The following FAM114A2 variants were observed in gnomAD, a reference collection of about 807,000 sequenced individuals.
The protein encoded by FAM114A2 is family with sequence similarity 114 member A2.
FAM114A2 carries 53 observed loss-of-function variants against 58.4 expected under a neutral mutation model. The ratio of observed to expected loss-of-function variants is 0.91; its 90% confidence interval spans 0.73 to 1.14. The LOEUF is 1.14. Ranked by LOEUF, FAM114A2 falls within the 50% of genes most tolerant of loss-of-function variation. The pLI is 0.00. For synonymous variants in FAM114A2, 228 were observed against 211.4 expected (o/e 1.08, Z -0.68); for missense variants, 601 against 581.1 (o/e 1.03, Z -0.35).
At position 153,991,308 on chromosome 5, in the gene FAM114A2, T is replaced by C. The variant is rs758495817; in HGVS notation, c.*1668A>G. 6.6e-6 allele frequency: 1 copy of C among 152,220 alleles called. No homozygotes were observed. Among genetic ancestry groups the C allele is most frequent in the Admixed American group, 6.5e-5 (1 of 15,280 alleles). 9.4% of individuals were successfully genotyped at this position (152,220 alleles called of 1,614,324 possible). A position where few individuals can be genotyped will look rare whatever the true frequency, so the allele number is the denominator to read the frequency against. On this transcript the variant is annotated 3_prime_UTR_variant, in exon 14 of 14. Coordinates refer to ENST00000351797, the MANE Select transcript of FAM114A2 (RefSeq NM_018691.4). Reference sequence around the variant, plus strand: ...ATTTAAAGCTGCCAAACTGCCATTGTACAAGAGGCTGAACAGACAGTAGGC... The same window carrying C: ...ATTTAAAGCTGCCAAACTGCCATTGCACAAGAGGCTGAACAGACAGTAGGC...
intron 2 of FAM114A2, 48 bp downstream of exon 2, chr5:154,034,696 A>C: frequency 7.4e-7 from 1 of 1,348,034 alleles, no homozygotes; most frequent in Non-Finnish European, 1.1e-6. Context: ...ACATTTTTTA[A>C]TCCTAATATT....
In FAM114A2 at chr5:153,994,849, G is replaced by A. The variant is rs1769452366; in HGVS notation, c.1383+70C>T. On this transcript the variant is annotated intron_variant, in intron 13 of 13. Coordinates refer to ENST00000351797, the MANE Select transcript of FAM114A2 (RefSeq NM_018691.4). ...GGTGAATAAAATAAAAAAGCCAAAA[G>A]CAAAAGGCTTCAGAAGAGTTAATTA... is the stretch of plus-strand genomic sequence containing the variant. 3 of 1,013,346 alleles carry A rather than the reference G, an allele frequency of 3.0e-6. No individual in the cohort carries two copies. The African/African-American group carries it at 4.8e-5, about 16-fold the overall frequency. The allele number at this position is 1,013,346 out of a possible 1,614,324, so 62.8% of individuals were successfully genotyped here. A position where few individuals can be genotyped will look rare whatever the true frequency, so the allele number is the denominator to read the frequency against.
At chr5:154,022,613 G>A (rs1454999574) in intron 8 of FAM114A2, among the ~76,000 whole-genome samples, 10 of 152,224 alleles carry the variant, frequency 6.6e-5, no homozygotes, top group African/African-American at 9.6e-5. Flanking sequence ...TTAGAATGGC[G>A]ATCATTAAAA....
rs528038879 is a variant in FAM114A2 at position 154,033,650 on chromosome 5, C to A, written c.403+141G>T. 799 of 580,098 alleles carry A rather than the reference C, an allele frequency of 1.4e-3. 1 individual carries two copies. The highest frequency in any genetic ancestry group is 2.0e-3 in the Non-Finnish European group (669 of 326,606). 35.9% of individuals were successfully genotyped at this position (580,098 alleles called of 1,614,324 possible). ...AAGGACATAGATGTCTAATTGGGAA[C>A]TAAAGATTCTAAATACTCTTTCTCA... On this transcript the variant is annotated intron_variant, in intron 4 of 13. Transcript: ENST00000351797.
chr5:153,992,910 G>A lies in FAM114A2; in HGVS notation c.*66C>T. The A allele has an allele frequency of 2.1e-6, 3 of 1,462,264 alleles. No homozygotes were observed. The highest frequency in any genetic ancestry group is 1.2e-5 in the South Asian group (1 of 80,092). 90.6% of individuals were successfully genotyped at this position (1,462,264 alleles called of 1,614,324 possible). On this transcript the variant is annotated 3_prime_UTR_variant, in exon 14 of 14. Coordinates refer to ENST00000351797, the MANE Select transcript of FAM114A2 (RefSeq NM_018691.4). ...ATAACCCCACTCCTTCATTTCTGCA[G>A]GAGTAGCCAGAATAAGGTGGCATTC... is the stretch of plus-strand genomic sequence containing the variant.
chr5:154,027,105 A>G, intron 7 of FAM114A2, 71 bp downstream of exon 7: 1 of 1,283,630 alleles, frequency 7.8e-7, no homozygotes, highest in Non-Finnish European at 1.1e-6. Flanking sequence ...AAATGTACAA[A>G]GAGAAAGGAA....
chr5:154,028,454 C>T (rs1472631363), intron 5 of FAM114A2, among the ~76,000 whole-genome samples, 171 bp from the exon 6 acceptor site: 2 of 152,116 alleles, frequency 1.3e-5, no homozygotes, highest in African/African-American at 4.8e-5. Context: ...ATAGGTATAA[C>T]CACATTAGAA....
intron 3 of FAM114A2, 39 bp from the exon 4 acceptor site, chr5:154,033,922 C>T (rs1184379312): frequency 7.6e-7 from 1 of 1,315,018 alleles, no homozygotes; most frequent in Non-Finnish European, 1.1e-6. Context: ...CTATTTGTCA[C>T]CAAAACTGAA....
chr5:154,022,731 T>C (rs1378796467), intron 8 of FAM114A2, among the ~76,000 whole-genome samples: 1 of 152,242 alleles, frequency 6.6e-6, no homozygotes, highest in African/African-American at 2.4e-5. Flanking sequence ...AGTGTGGTGA[T>C]TCCTCAAGGA....
chr5:154,032,639 C>A (rs1000462634), intron 4 of FAM114A2, among the ~76,000 whole-genome samples: 2 of 152,132 alleles, frequency 1.3e-5, no homozygotes, highest in Non-Finnish European at 2.9e-5. Context: ...GAAAACATTT[C>A]CCCTCTTTAA....
In FAM114A2 at chr5:154,026,399, C is replaced by CT. The variant is rs1391846088; in HGVS notation, c.912dup (p.Gly305ArgfsTer3). The CT allele has an allele frequency of 2.6e-6, 4 of 1,559,602 alleles. No homozygotes were observed. The highest frequency in any genetic ancestry group is 2.4e-5 in the East Asian group (1 of 42,198). On this transcript the variant is annotated frameshift_variant and splice_region_variant, in exon 8 of 14. Coordinates refer to ENST00000351797, the MANE Select transcript of FAM114A2 (RefSeq NM_018691.4). LOFTEE classifies it high-confidence loss of function. ...CTCAGATACTAAATTTTCATATTAC[C>CT]TTTTTTCTCTTCTTCCTCTTCTTCA... is the stretch of plus-strand genomic sequence containing the variant.
chr5:154,028,900 G>A (rs1771985933), intron 5 of FAM114A2, among the ~76,000 whole-genome samples: 1 of 152,026 alleles, frequency 6.6e-6, no homozygotes, highest in Admixed American at 6.6e-5. Flanking sequence ...ACAAGATGGT[G>A]GGGAGATCTG....
chr5:154,019,037 C>T (rs1261404229), intron 8 of FAM114A2, among the ~76,000 whole-genome samples: 2 of 152,116 alleles, frequency 1.3e-5, no homozygotes, highest in Admixed American at 6.5e-5. Flanking sequence ...CTCTTCAACA[C>T]AGTACTGGAA....
chr5:154,033,033 T>C (rs1230545822), intron 4 of FAM114A2, among the ~76,000 whole-genome samples: 3 of 152,210 alleles, frequency 2.0e-5, no homozygotes, highest in Non-Finnish European at 4.4e-5. Flanking sequence ...CCATAAGTGA[T>C]CCATGGACAT....
intron 9 of FAM114A2, among the ~76,000 whole-genome samples, chr5:154,004,453 T>C (rs1770217114): frequency 6.6e-6 from 1 of 152,188 alleles, no homozygotes; most frequent in African/African-American, 2.4e-5. Context: ...AGATCCTTAT[T>C]TCTAGACCTG....
At chr5:154,027,513 T>C in intron 6 of FAM114A2, 179 bp from the exon 7 acceptor site, 1 of 467,780 alleles carries the variant, frequency 2.1e-6, no homozygotes, top group East Asian at 3.4e-5. Flanking sequence ...CGATCACACA[T>C]AATTTGAGAC....
intron 1 of FAM114A2, chr5:154,037,401 T>C (rs1772644829): frequency 6.6e-6 from 1 of 152,212 alleles, no homozygotes; most frequent in Non-Finnish European, 1.5e-5. Flanking sequence ...TAGCCATTCA[T>C]TCACTCGCAA....
intron 9 of FAM114A2, among the ~76,000 whole-genome samples, chr5:154,010,521 C>T (rs1452257540): frequency 6.6e-6 from 1 of 152,102 alleles, no homozygotes; most frequent in Non-Finnish European, 1.5e-5. Context: ...CAATAGCTCT[C>T]ACCTCTCCCT....
chr5:154,024,562 C>G lies in FAM114A2; in HGVS notation c.913+1837G>C, dbSNP rs377600047. ...AGTATATGAAGAAAATCCAACTTTA[C>G]AAAGATACATAGTTGGAAAGGGAAG... On this transcript the variant is annotated intron_variant, in intron 8 of 13. Coordinates refer to ENST00000351797, the MANE Select transcript of FAM114A2 (RefSeq NM_018691.4). Among the ~76,000 whole-genome samples, 5 of 152,102 alleles carry G rather than the reference C, an allele frequency of 3.3e-5. No individual in the cohort carries two copies. The East Asian group carries it at 9.7e-4, about 29-fold the overall frequency.
Sources: gnomAD v4.1 joint callset for allele counts (sites outside exome capture counted in the v4.1 genomes callset) on GRCh38, gnomAD v4.1.1 for gene constraint, MANE v1.5 for transcripts, NCBI Gene and HGNC (gene_info 2026-07-23, HGNC 2026-07-21) for gene names.